Variants in NECAB3 observed in about 807,000 individuals in gnomAD.
NECAB3 encodes N-terminal EF-hand calcium-binding protein 3.
Under a neutral mutation model 57.2 loss-of-function variants are expected in NECAB3, and 38 were observed. The ratio of observed to expected loss-of-function variants is 0.66; its 90% CI spans 0.51 to 0.87. The LOEUF is 0.87. Among genes scored for constraint, NECAB3 ranks in the 40% least tolerant of loss-of-function variants. The probability of loss-of-function intolerance (pLI) is 0.00; values close to 1 mark genes in which losing one functional copy is unlikely to be tolerated. For missense variants in NECAB3, 474 were observed against 527.5 expected (o/e 0.90, Z 0.99); for synonymous variants, 223 against 222.6 (o/e 1.00, Z -0.02).
chr20:33,669,203 G>C (rs1398694244), intron 5 of NECAB3, 172 bp downstream of exon 5: 1 of 616,988 alleles, frequency 1.6e-6, no homozygotes, highest in South Asian at 1.9e-5. Flanking sequence ...ATGGTTTACA[G>C]ATGAGGAAAC....
chr20:33,671,893 T>TA (rs2122523423), intron 2 of NECAB3: 2 of 164,100 alleles, frequency 1.2e-5, no homozygotes, highest in Admixed American at 1.2e-4. Flanking sequence ...CTGAGCCCTC[T>TA]AAAAACCTGA....
rs756927313 is a variant in NECAB3 at position 33,668,216 on chromosome 20, T to C, written c.387+1159A>G. 8.8e-6 allele frequency: 14 copies of C among 1,597,052 alleles called. No individual in the cohort carries two copies. The African/African-American group carries it at 1.5e-4, about 17-fold the overall frequency. ...TACCAGGAGTGTGGCTCCAGGCTGC[T>C]GTACGATGTGTTCAACTGAGTCAGG... On this transcript the variant is annotated intron_variant, in intron 5 of 11. Transcript: ENST00000246190.
intron 5 of NECAB3, chr20:33,667,846 A>G (rs560049461): frequency 6.2e-7 from 1 of 1,609,252 alleles, no homozygotes. Context: ...CGTCTGCCTC[A>G]GCAGTGAGCG....
At chr20:33,658,958 T>C in intron 8 of NECAB3, 124 bp from the exon 9 acceptor site, 4 of 684,566 alleles carry the variant, frequency 5.8e-6, no homozygotes, top group Non-Finnish European at 1.0e-5. Flanking sequence ...GGTCTTGCTC[T>C]CACCCAGGCT....
intron 3 of NECAB3, chr20:33,670,452 A>ATG (rs1448002485): frequency 2.3e-6 from 1 of 439,062 alleles, no homozygotes; most frequent in Admixed American, 4.0e-5. Context: ...GAGCTGAGCC[A>ATG]TGGGTGGTGA....
At chr20:33,663,735 C>A in intron 5 of NECAB3, 1 of 1,529,556 alleles carries the variant, frequency 6.5e-7, no homozygotes, top group Non-Finnish European at 8.7e-7. Flanking sequence ...CGGAAGAGGG[C>A]GGGGCCAGGG....
chr20:33,669,848 T>C (rs2017790283), intron 3 of NECAB3, 136 bp from the exon 4 acceptor site: 1 of 929,064 alleles, frequency 1.1e-6, no homozygotes, highest in Non-Finnish European at 1.6e-6. Context: ...CCAGATTAAG[T>C]TGCTCCTGTG....
At chr20:33,667,490 C>T in intron 5 of NECAB3, 2 of 1,478,966 alleles carry the variant, frequency 1.4e-6, no homozygotes, top group South Asian at 1.3e-5. Context: ...GCAGTGCCCG[C>T]GTGCCACATG....
intron 10 of NECAB3, 37 bp from the exon 11 acceptor site, chr20:33,658,070 C>G (rs370085851): frequency 1.0e-5 from 16 of 1,524,996 alleles, no homozygotes; most frequent in South Asian, 3.6e-5. Context: ...TCGCTCTCCC[C>G]ACTCCCGCCC....
At chr20:33,663,075 G>A (rs2017531414) in intron 5 of NECAB3, among the ~76,000 whole-genome samples, 1 of 152,226 alleles carries the variant, frequency 6.6e-6, no homozygotes, top group Non-Finnish European at 1.5e-5. Context: ...TCCCAACACG[G>A]AGAATCAGTT....
In NECAB3 at chr20:33,670,714, A is replaced by G. The variant is rs1424315030; in HGVS notation, c.233T>C (p.Leu78Pro). 1.2e-6 allele frequency: 2 copies of G among 1,613,890 alleles called. No individual in the cohort carries two copies. Among genetic ancestry groups the G allele is most frequent in the South Asian group, 1.1e-5 (1 of 91,086 alleles). Residue 78 changes from leucine (L) to proline (P), a missense_variant, in exon 3 of 12, where the codon CTG (leucine) becomes CCG (proline). Physicochemically the swap from Leu to Pro is moderately conservative, Grantham distance 98. Transcript: ENST00000246190. ...GAGATGCCCATCAATGCCGCTGAAC[A>G]GTTCCTGCAGCTCCCCCAGGCTGAG... ...GVLSLGELQELFSGIDGHLTD... is the reference protein window; with the variant it reads ...GVLSLGELQEPFSGIDGHLTD...
chr20:33,672,317 C>T (rs2017844209), intron 2 of NECAB3, 81 bp downstream of exon 2: 1 of 1,560,446 alleles, frequency 6.4e-7, no homozygotes, highest in Non-Finnish European at 8.8e-7. Flanking sequence ...TGACTTCCCA[C>T]CCAACCTCCC....
Position 33,663,664 on chromosome 20 carries a change from AGCGAGC to A in NECAB3, c.388-3275_388-3270del, listed in dbSNP as rs1455628948. The A allele has an allele frequency of 1.4e-5, 22 of 1,574,816 alleles. No homozygotes were observed. The Middle Eastern group carries it at 5.6e-4, about 40-fold the overall frequency. On this transcript the variant is annotated intron_variant, in intron 5 of 11. Transcript: ENST00000246190. ...CAGATTGCGCGGAGCGGGCGAAGGT[AGCGAGC>A]GCGAGCCGAGGATGCCGGTACTGCT... is the stretch of plus-strand genomic sequence containing the variant.
upstream of NECAB3, chr20:33,674,445 G>C: frequency 9.8e-7 from 1 of 1,018,270 alleles, no homozygotes. Context: ...CCTTGGCGCC[G>C]GCGCCGACGC....
upstream of NECAB3, chr20:33,675,257 C>T (rs1363864967): frequency 6.5e-6 from 1 of 153,120 alleles, no homozygotes; most frequent in Non-Finnish European, 1.5e-5. Flanking sequence ...TGCAGATCTC[C>T]TCTTTCAGAC....
In NECAB3 at chr20:33,667,546, G is replaced by A; in HGVS notation, c.387+1829C>T. On this transcript the variant is annotated intron_variant, in intron 5 of 11. Coordinates refer to ENST00000246190, the MANE Select transcript of NECAB3 (RefSeq NM_031232.4). Reference sequence around the variant, plus strand: ...GCTCTGCTCCACCGGCGCGTTCAGCGGGCTGGCCGTGGAGGCGGGCGCGGG... The same window carrying A: ...GCTCTGCTCCACCGGCGCGTTCAGCAGGCTGGCCGTGGAGGCGGGCGCGGG... 2 of 1,547,694 alleles carry A rather than the reference G, an allele frequency of 1.3e-6. No individual in the cohort carries two copies. The highest frequency in any genetic ancestry group is 2.4e-5 in the East Asian group (1 of 41,296).
At chr20:33,662,887 A>G (rs2017525864) in intron 5 of NECAB3, 1 of 188,938 alleles carries the variant, frequency 5.3e-6, no homozygotes, top group African/African-American at 2.4e-5. Context: ...TGAGCCGTTG[A>G]CAGCACCACT....
rs2017431955 is a variant in NECAB3 at position 33,660,391 on chromosome 20, T to G, written c.392A>C (p.Tyr131Ser). The G allele has an allele frequency of 6.2e-7, 1 of 1,613,664 alleles. No homozygotes were observed. The highest frequency in any genetic ancestry group is 8.5e-7 in the Non-Finnish European group (1 of 1,179,910). The part of the protein sequence containing the change: ...LAAMDATKLE[Y>S]ERASKVDQFV... ...CTGGTCCACTTTGGAGGCCCTCTCGTACTCCTGTGGGCCAAGGAGGGACGG... is the reference window on the plus strand; with the variant it reads ...CTGGTCCACTTTGGAGGCCCTCTCGGACTCCTGTGGGCCAAGGAGGGACGG... The change falls in exon 6 of 12, where the codon TAC becomes TCC. Residue 131 changes from tyrosine to serine, a missense_variant. By Grantham distance (144) the Tyr-to-Ser change is moderately radical (BLOSUM62 -2). Coordinates refer to ENST00000246190, the MANE Select transcript of NECAB3 (RefSeq NM_031232.4). The surrounding 1 kb of genome is among the most constrained non-coding windows in gnomAD (Gnocchi z 4.1).
chr20:33,663,788 C>CG (rs1209943166), intron 5 of NECAB3: 1 of 1,424,550 alleles, frequency 7.0e-7, no homozygotes, highest in Non-Finnish European at 9.1e-7. Flanking sequence ...TTCCGGTCCC[C>CG]GGGGAAGGCT....
Sources: allele counts gnomAD v4.1 joint callset (sites outside exome capture counted in the v4.1 genomes callset), GRCh38; gene constraint gnomAD v4.1.1; non-coding constraint Gnocchi (gnomAD v3.1); transcripts MANE v1.5; gene names NCBI Gene and HGNC (gene_info 2026-07-23, HGNC 2026-07-21).